AKIRIN2: variants seen among roughly 807,000 people sequenced by gnomAD.
AKIRIN2 encodes the protein akirin-2.
Under a neutral mutation model 29.3 loss-of-function variants are expected in AKIRIN2, and 6 were observed. That is an observed-to-expected ratio of 0.20 (90% CI 0.11 to 0.40). The LOEUF (loss-of-function observed/expected upper bound fraction) is 0.40. Ranked by LOEUF, AKIRIN2 falls within the 10% of genes least tolerant of loss-of-function variation. The pLI, the probability that AKIRIN2 is intolerant of heterozygous loss-of-function variation, is 1.00. For synonymous variants in AKIRIN2, 128 were observed against 117.5 expected, an observed-to-expected ratio of 1.09 and a Z score of -0.58; for missense variants, 210 against 276.1, an observed-to-expected ratio of 0.76 and a Z score of 1.70.
At chr6:87,700,125 A>G (rs114804870) in intron 1 of AKIRIN2, among the ~76,000 whole-genome samples, 2,977 of 152,250 alleles carry the variant, frequency 0.02, 113 homozygotes, top group African/African-American at 0.068. Flanking sequence ...CATTAAATAA[A>G]TTTATCTAAG....
chr6:87,677,723 C>A (rs188046539), intron 3 of AKIRIN2, 95 bp downstream of exon 3: 1 of 1,392,084 alleles, frequency 7.2e-7, no homozygotes, highest in Non-Finnish European at 9.8e-7. Context: ...GAGAATATAC[C>A]GCACCAGTGT....
At chr6:87,692,477 A>G (rs890491132) in intron 1 of AKIRIN2, among the ~76,000 whole-genome samples, 2 of 152,224 alleles carry the variant, frequency 1.3e-5, no homozygotes, top group African/African-American at 4.8e-5. Context: ...GTAGTACATT[A>G]CTACACTTAA....
intron 2 of AKIRIN2, among the ~76,000 whole-genome samples, chr6:87,678,901 C>T (rs1221912222): frequency 6.6e-6 from 1 of 151,910 alleles, no homozygotes; most frequent in Non-Finnish European, 1.5e-5. Context: ...TTTGGGAGGC[C>T]GAGGCAGGCG....
In AKIRIN2 at chr6:87,690,969, TCAA is replaced by T. The variant is rs150004674; in HGVS notation, c.236-9209_236-9207del. ...GCCTGGGCAACAGAGTGAGACGGTT[TCAA>T]CAACAACAACAAAAAGACCACCTCT... On this transcript the variant is annotated intron_variant, in intron 1 of 4. Coordinates refer to ENST00000257787, the MANE Select transcript of AKIRIN2 (RefSeq NM_018064.4). 6.1e-3 allele frequency among the ~76,000 whole-genome samples: 925 copies of T among 152,012 alleles called. 7 individuals carry two copies. Among genetic ancestry groups the T allele is most frequent in the African/African-American group, 0.02 (825 of 41,460 alleles).
chr6:87,687,161 AACT>A, intron 1 of AKIRIN2, among the ~76,000 whole-genome samples: 1 of 150,248 alleles, frequency 6.7e-6, no homozygotes, highest in East Asian at 1.9e-4. Flanking sequence ...TAAGACTTAA[AACT>A]AAGACACACT....
At chr6:87,685,673 T>G (rs1057040896) in intron 1 of AKIRIN2, among the ~76,000 whole-genome samples, 4 of 152,170 alleles carry the variant, frequency 2.6e-5, no homozygotes, top group African/African-American at 7.2e-5. Context: ...GAGCAAAATA[T>G]CTAGAGTTAT....
At chr6:87,691,339 G>C (rs1481656551) in intron 1 of AKIRIN2, among the ~76,000 whole-genome samples, 1 of 151,128 alleles carries the variant, frequency 6.6e-6, no homozygotes, top group African/African-American at 2.4e-5. Flanking sequence ...TACTTGGGTG[G>C]CTGAGGCAGG....
intron 1 of AKIRIN2, among the ~76,000 whole-genome samples, chr6:87,693,419 C>T (rs1333031397): frequency 1.3e-5 from 2 of 151,222 alleles, no homozygotes; most frequent in African/African-American, 2.4e-5. Context: ...AGCCAGAATG[C>T]TTTATTGGTG....
chr6:87,696,120 G>C (rs1582125753), intron 1 of AKIRIN2, among the ~76,000 whole-genome samples: 1 of 152,156 alleles, frequency 6.6e-6, no homozygotes, highest in Non-Finnish European at 1.5e-5. Context: ...GCAGATTGCA[G>C]TGAGCCGAGA....
At chr6:87,692,234 T>C (rs1007667209) in intron 1 of AKIRIN2, among the ~76,000 whole-genome samples, 1 of 152,168 alleles carries the variant, frequency 6.6e-6, no homozygotes, top group Admixed American at 6.5e-5. Context: ...TGCTGGTGAG[T>C]AAAAGTCCCA....
Position 87,701,576 on chromosome 6 carries a change from C to G in AKIRIN2, c.109G>C (p.Ala37Pro). The change falls in exon 1 of 5, where the codon GCT becomes CCT. Residue 37 changes from alanine (A) to proline (P), a missense_variant. Around this residue, in one of 2 missense-constraint regions of AKIRIN2, gnomAD observed 199 missense variants for 236.5 expected, o/e 0.84. Coordinates refer to ENST00000257787, the MANE Select transcript of AKIRIN2 (RefSeq NM_018064.4). Reference protein sequence around the residue: ...CAPLSAPTSAAASPLSAAAAT... With the variant: ...CAPLSAPTSAPASPLSAAAAT... ...GCGGCCGCCGACAACGGGGAGGCAG[C>G]GGCCGAGGTGGGCGCCGACAATGGC... The G allele has an allele frequency of 7.1e-7, 1 of 1,416,330 alleles. No homozygotes were observed. The highest frequency in any genetic ancestry group is 1.5e-5 in the South Asian group (1 of 65,048). The allele number at this position is 1,416,330 out of a possible 1,614,324, so 87.7% of individuals were successfully genotyped here.
chr6:87,692,434 G>C (rs1771291367), intron 1 of AKIRIN2, among the ~76,000 whole-genome samples: 2 of 152,134 alleles, frequency 1.3e-5, no homozygotes, highest in African/African-American at 4.8e-5. Context: ...TTGACCTCAG[G>C]GCCCAAGTTC....
intron 1 of AKIRIN2, among the ~76,000 whole-genome samples, chr6:87,699,108 TTTAG>T (rs1422867748): frequency 2.0e-5 from 3 of 152,206 alleles, no homozygotes; most frequent in Non-Finnish European, 2.9e-5. Flanking sequence ...AACTACTCAT[TTTAG>T]TTAATGACAG....
At chr6:87,678,100 G>A (rs1245549549) in intron 2 of AKIRIN2, 133 bp from the exon 3 acceptor site, 10 of 809,742 alleles carry the variant, frequency 1.2e-5, no homozygotes, top group Non-Finnish European at 1.6e-5. Context: ...TTTAAGCACA[G>A]CATTTCACAA....
chr6:87,681,634 C>G lies in AKIRIN2; in HGVS notation c.365G>C (p.Gly122Ala), dbSNP rs1301811303. The G allele has an allele frequency of 6.2e-7, 1 of 1,607,000 alleles. No individual in the cohort carries two copies. The highest frequency in any genetic ancestry group is 8.5e-7 in the Non-Finnish European group (1 of 1,178,340). Residue 122 changes from glycine to alanine, a missense_variant, in exon 2 of 5, where the codon GGA (glycine) becomes GCA (alanine). Gly to Ala is a moderately conservative substitution (Grantham distance 60). Transcript: ENST00000257787. Reference protein sequence around the residue: ...DAQPHAFLLSGPASPGTSSAA... With the variant: ...DAQPHAFLLSAPASPGTSSAA... Reference sequence around the variant, plus strand: ...AATGTTATTACCTGGTGAAGCTGGTCCACTGAGGAGAAATGCATGTGGCTG... The same window carrying G: ...AATGTTATTACCTGGTGAAGCTGGTGCACTGAGGAGAAATGCATGTGGCTG...
intron 1 of AKIRIN2, among the ~76,000 whole-genome samples, chr6:87,698,697 C>A (rs2128303136): frequency 6.6e-6 from 1 of 152,304 alleles, no homozygotes; most frequent in East Asian, 1.9e-4. Flanking sequence ...AGGCTCTAAG[C>A]CTTGCGGTTA....
At chr6:87,682,497 T>TG (rs779687304) in intron 1 of AKIRIN2, among the ~76,000 whole-genome samples, 2 of 152,184 alleles carry the variant, frequency 1.3e-5, no homozygotes, top group Non-Finnish European at 2.9e-5. Flanking sequence ...GCACATCCTT[T>TG]AGGCCACTAT....
rs10652176 is a variant in AKIRIN2, at chr6:87,687,044, CAAAAAAAA to C, written c.236-5289_236-5282del. Among the ~76,000 whole-genome samples, 36 of 67,448 alleles carry C rather than the reference CAAAAAAAA, an allele frequency of 5.3e-4. No homozygotes were observed. The East Asian group carries it at 0.015, about 28-fold the overall frequency. The allele number at this position is 67,448 out of a possible 152,430, so 44.2% of individuals were successfully genotyped here. On this transcript the variant is annotated intron_variant, in intron 1 of 4. Transcript: ENST00000257787. ...CAGGCGACAGAGCAAGACTTAGACT[CAAAAAAAA>C]AAAAAAAAAAAATCTTGAAAGTCTG...
rs550581848 is a variant in AKIRIN2 at position 87,682,732 on chromosome 6, A to G, written c.236-969T>C. Among the ~76,000 whole-genome samples, 23 of 152,340 alleles carry G rather than the reference A, an allele frequency of 1.5e-4. No individual in the cohort carries two copies. In the South Asian group the frequency reaches 4.8e-3, roughly 32 times the overall value. On this transcript the variant is annotated intron_variant, in intron 1 of 4. Coordinates refer to ENST00000257787, the MANE Select transcript of AKIRIN2 (RefSeq NM_018064.4). ...AAATGAAATTTTTAGGTGGCAATAA[A>G]AAGACTGATAGAGTGGAGTGTAGCC...
Sources: gnomAD v4.1 joint callset for allele counts (sites outside exome capture counted in the v4.1 genomes callset) on GRCh38, gnomAD v4.1.1 for gene constraint, gnomAD v4.1.1 regional missense constraint, MANE v1.5 for transcripts, NCBI Gene and HGNC (gene_info 2026-07-23, HGNC 2026-07-21) for gene names.